Variants in EDIL3 observed in about 807,000 individuals in gnomAD.
The protein encoded by EDIL3 is EGF-like repeat and discoidin I-like domain-containing protein 3.
Under a neutral mutation model 67.4 loss-of-function variants are expected in EDIL3, and 37 were observed. The observed-to-expected ratio is 0.55, with a 90% CI of 0.42 to 0.72. The LOEUF is 0.72. Among genes scored for constraint, EDIL3 ranks in the 30% least tolerant of loss-of-function variants. The probability of loss-of-function intolerance (pLI) is 0.00; values close to 1 mark genes in which losing one functional copy is unlikely to be tolerated. For missense variants in EDIL3, 527 were observed against 586.3 expected (o/e 0.90, Z 1.04); for synonymous variants, 195 against 196.3 (o/e 0.99, Z 0.05).
intron 6 of EDIL3, among the ~76,000 whole-genome samples, chr5:84,089,401 T>C (rs1344581869): frequency 4.6e-5 from 7 of 152,268 alleles, no homozygotes; most frequent in African/African-American, 1.4e-4. Flanking sequence ...GCTCTCTTAG[T>C]ATTTCATCTT....
chr5:84,028,100 T>C (rs537357105), intron 9 of EDIL3, among the ~76,000 whole-genome samples: 122 of 152,270 alleles, frequency 8.0e-4, no homozygotes, highest in Admixed American at 2.6e-3. Context: ...CATTGTGAAA[T>C]GTAATAATCG....
chr5:84,030,412 T>G (rs1745898172), intron 9 of EDIL3, among the ~76,000 whole-genome samples: 1 of 152,178 alleles, frequency 6.6e-6, no homozygotes, highest in Admixed American at 6.5e-5. Flanking sequence ...GGTTAAATGG[T>G]GTTCCTTAAG....
intron 1 of EDIL3, among the ~76,000 whole-genome samples, chr5:84,334,322 C>T (rs954495305): frequency 1.3e-5 from 2 of 152,044 alleles, no homozygotes; most frequent in Admixed American, 6.6e-5. Context: ...CCTCGGCCCC[C>T]CAAAGTGGTG....
intron 6 of EDIL3, among the ~76,000 whole-genome samples, chr5:84,091,459 GCAA>G (rs1175385742): frequency 6.6e-6 from 1 of 152,152 alleles, no homozygotes; most frequent in Non-Finnish European, 1.5e-5. Context: ...TTAGTTTTAA[GCAA>G]CAACAACAAA....
chr5:84,358,956 T>C (rs1483027729), intron 1 of EDIL3, among the ~76,000 whole-genome samples: 2 of 152,142 alleles, frequency 1.3e-5, no homozygotes, highest in Non-Finnish European at 2.9e-5. Context: ...AAAACACCAT[T>C]TCAACAACTG....
chr5:84,247,114 G>C (rs971647118), intron 2 of EDIL3, among the ~76,000 whole-genome samples: 2 of 152,038 alleles, frequency 1.3e-5, no homozygotes, highest in African/African-American at 4.8e-5. Context: ...CAGCTTTAGA[G>C]AAAGTATTTT....
At chr5:84,377,532 C>A (rs1747993609) in intron 1 of EDIL3, among the ~76,000 whole-genome samples, 2 of 152,160 alleles carry the variant, frequency 1.3e-5, no homozygotes. Context: ...TCAGTAAAAT[C>A]TAAATGGTTC....
intron 9 of EDIL3, among the ~76,000 whole-genome samples, chr5:84,000,211 A>C (rs1340419786): frequency 6.6e-6 from 1 of 152,170 alleles, no homozygotes; most frequent in Non-Finnish European, 1.5e-5. Flanking sequence ...CTGAAGGTAC[A>C]AAACTCACTG....
chr5:84,089,830 A>G (rs750661486), intron 6 of EDIL3, among the ~76,000 whole-genome samples: 2 of 152,160 alleles, frequency 1.3e-5, no homozygotes, highest in South Asian at 2.1e-4. Flanking sequence ...CCCCAGTGCG[A>G]CTTTGTTTAT....
At chr5:84,236,218 A>G (rs939192571) in intron 2 of EDIL3, among the ~76,000 whole-genome samples, 14 of 152,086 alleles carry the variant, frequency 9.2e-5, no homozygotes, top group African/African-American at 3.1e-4. Flanking sequence ...AAAAACACGT[A>G]TTTTATAAAA....
intron 6 of EDIL3, among the ~76,000 whole-genome samples, chr5:84,099,036 C>T (rs1256199965): frequency 1.3e-5 from 2 of 152,160 alleles, no homozygotes; most frequent in East Asian, 3.9e-4. Flanking sequence ...AGGGATATAA[C>T]TTACAAGGGA....
At chr5:84,030,522 G>C (rs369281719) in intron 9 of EDIL3, among the ~76,000 whole-genome samples, 51 of 152,066 alleles carry the variant, frequency 3.4e-4, no homozygotes, top group African/African-American at 1.2e-3. Context: ...ACAAGAACAT[G>C]TATACTGAAT....
chr5:83,963,498 G>T, intron 9 of EDIL3, 138 bp from the exon 10 acceptor site: 1 of 987,670 alleles, frequency 1.0e-6, no homozygotes, highest in Non-Finnish European at 1.4e-6. Context: ...TGAAACCAAT[G>T]ACTGAGTCTA....
At chr5:84,065,696 T>A (rs1235205831) in intron 7 of EDIL3, among the ~76,000 whole-genome samples, 1 of 152,152 alleles carries the variant, frequency 6.6e-6, no homozygotes, top group Non-Finnish European at 1.5e-5. Context: ...AAATATTTTA[T>A]TTTGCTAAGT....
At chr5:84,316,934 C>G (rs1472152156) in intron 1 of EDIL3, among the ~76,000 whole-genome samples, 3 of 152,110 alleles carry the variant, frequency 2.0e-5, no homozygotes, top group Non-Finnish European at 4.4e-5. Flanking sequence ...TACAATCAAA[C>G]TAGAACTCAG....
intron 4 of EDIL3, among the ~76,000 whole-genome samples, chr5:84,157,305 A>AC (rs1748510595): frequency 6.6e-6 from 1 of 151,960 alleles, no homozygotes; most frequent in Non-Finnish European, 1.5e-5. Flanking sequence ...CTGCACATGT[A>AC]CCCCTGAACT....
chr5:84,070,480 C>T (rs1398077741), intron 6 of EDIL3, among the ~76,000 whole-genome samples: 1 of 152,188 alleles, frequency 6.6e-6, no homozygotes, highest in African/African-American at 2.4e-5. Flanking sequence ...AGCCACATCC[C>T]ATCACACACC....
intron 9 of EDIL3, among the ~76,000 whole-genome samples, chr5:83,979,047 T>G (rs574386609): frequency 6.6e-6 from 1 of 152,094 alleles, no homozygotes; most frequent in East Asian, 1.9e-4. Flanking sequence ...ACAAAAGTCC[T>G]AAGAACTATG....
chr5:84,300,311 A>C (rs972053092), intron 1 of EDIL3, among the ~76,000 whole-genome samples: 9 of 152,132 alleles, frequency 5.9e-5, no homozygotes, highest in Non-Finnish European at 1.0e-4. Flanking sequence ...TGGTTCTCTG[A>C]TTTTAAATAC....
Sources: gnomAD v4.1 joint callset for allele counts (sites outside exome capture counted in the v4.1 genomes callset) on GRCh38, gnomAD v4.1.1 for gene constraint, MANE v1.5 for transcripts, NCBI Gene and HGNC (gene_info 2026-07-23, HGNC 2026-07-21) for gene names.